The following OPN5 variants were observed in gnomAD, a reference collection of about 807,000 sequenced individuals.
The protein encoded by OPN5 is opsin-5.
In OPN5, 18 loss-of-function variants were observed where a neutral mutation model predicts 41.7. That is an observed-to-expected ratio of 0.43 (90% CI 0.30 to 0.64). OPN5 has a LOEUF of 0.64. OPN5 is among the 30% of genes least tolerant of loss of function. The probability of loss-of-function intolerance (pLI) is 0.13; values close to 1 mark genes in which losing one functional copy is unlikely to be tolerated. For synonymous variants in OPN5, 178 were observed against 164.3 expected (o/e 1.08, Z -0.64); for missense variants, 318 against 434.5 (o/e 0.73, Z 2.38).
At chr6:47,812,186 G>A (rs1762263713) in intron 6 of OPN5, among the ~76,000 whole-genome samples, 1 of 152,152 alleles carries the variant, frequency 6.6e-6, no homozygotes, top group Non-Finnish European at 1.5e-5. Flanking sequence ...GGTTCTCACA[G>A]CCATTTTTCA....
rs540595743 is a variant in OPN5, at chr6:47,795,607, C to A, written c.756+44C>A. ...TACACATGTGTTTTCTGACTACTTA[C>A]AACTTCATAGGGTACAAAGGATAGG... is the stretch of plus-strand genomic sequence containing the variant. On this transcript the variant is annotated intron_variant, in intron 4 of 6. Transcript: ENST00000371211. The A allele has an allele frequency of 3.0e-6, 4 of 1,346,204 alleles. No homozygotes were observed. In the South Asian group the frequency reaches 4.9e-5, roughly 16 times the overall value. The allele number at this position is 1,346,204 out of a possible 1,614,324, so 83.4% of individuals were successfully genotyped here. A position where few individuals can be genotyped will look rare whatever the true frequency, so the allele number is the denominator to read the frequency against.
intron 3 of OPN5, chr6:47,794,615 A>C (rs960170573): frequency 6.6e-6 from 1 of 152,196 alleles, no homozygotes; most frequent in Non-Finnish European, 1.5e-5. Context: ...CAACCTACCT[A>C]GATTCTCTGC....
chr6:47,803,435 C>T (rs1050699289), intron 4 of OPN5, among the ~76,000 whole-genome samples: 4 of 152,148 alleles, frequency 2.6e-5, no homozygotes, highest in African/African-American at 7.2e-5. Flanking sequence ...TCTTGTCACC[C>T]GCATGCTCCT....
At chr6:47,820,318 G>T (rs1188362533) in intron 6 of OPN5, among the ~76,000 whole-genome samples, 1 of 152,120 alleles carries the variant, frequency 6.6e-6, no homozygotes, top group East Asian at 1.9e-4. Flanking sequence ...AATTTATAGA[G>T]CCTGCTCAAA....
chr6:47,782,087 C>A (rs754944929), exon 1 of OPN5: 9 of 1,613,620 alleles, frequency 5.6e-6, no homozygotes, highest in South Asian at 1.1e-5. Context: ...ATCACACTGC[C>A]CTGCCTCAGG....
intron 6 of OPN5, among the ~76,000 whole-genome samples, chr6:47,814,352 C>A (rs1178312390): frequency 6.6e-6 from 1 of 152,044 alleles, no homozygotes; most frequent in Non-Finnish European, 1.5e-5. Flanking sequence ...AAAATAGACT[C>A]ATTTAACTGT....
At chr6:47,823,139 A>G (rs1238756321) in intron 6 of OPN5, among the ~76,000 whole-genome samples, 1 of 152,228 alleles carries the variant, frequency 6.6e-6, no homozygotes, top group Non-Finnish European at 1.5e-5. Flanking sequence ...ATGTGATTGC[A>G]TATTGATGTT....
chr6:47,813,920 G>A (rs956671240), intron 6 of OPN5, among the ~76,000 whole-genome samples: 7 of 152,014 alleles, frequency 4.6e-5, no homozygotes, highest in Admixed American at 6.6e-5. Flanking sequence ...TGGGATGGGG[G>A]AGAGAGTGAA....
At chr6:47,800,084 C>T (rs1773711688) in intron 4 of OPN5, among the ~76,000 whole-genome samples, 1 of 152,156 alleles carries the variant, frequency 6.6e-6, no homozygotes, top group Non-Finnish European at 1.5e-5. Flanking sequence ...AATCTTCACA[C>T]AATGCAGTGA....
intron 4 of OPN5, among the ~76,000 whole-genome samples, chr6:47,806,594 G>A (rs1469780593): frequency 6.6e-6 from 1 of 152,136 alleles, no homozygotes; most frequent in South Asian, 2.1e-4. Context: ...TACTCTACAG[G>A]CTAATCCTCC....
intron 6 of OPN5, among the ~76,000 whole-genome samples, chr6:47,820,050 C>T (rs981295529): frequency 2.0e-5 from 3 of 151,906 alleles, no homozygotes; most frequent in Non-Finnish European, 2.9e-5. Context: ...CTATTCAATG[C>T]CTGTTTTTGT....
At chr6:47,797,768 C>G (rs1446706998) in intron 4 of OPN5, among the ~76,000 whole-genome samples, 2 of 152,198 alleles carry the variant, frequency 1.3e-5, no homozygotes, top group African/African-American at 4.8e-5. Context: ...TGGCCTTGCT[C>G]AATAAATCTG....
chr6:47,790,802 A>G (rs1381061864), intron 2 of OPN5, among the ~76,000 whole-genome samples: 1 of 151,998 alleles, frequency 6.6e-6, no homozygotes, highest in Admixed American at 6.5e-5. Flanking sequence ...CTGCTTCTCT[A>G]ATTAAGGCTT....
chr6:47,791,048 C>T (rs976691953), intron 2 of OPN5, among the ~76,000 whole-genome samples: 6 of 152,136 alleles, frequency 3.9e-5, no homozygotes, highest in Admixed American at 3.3e-4. Context: ...CACTGTTTTG[C>T]ATATTATTTT....
intron 3 of OPN5, chr6:47,794,653 A>C: frequency 6.6e-6 from 1 of 152,328 alleles, no homozygotes; most frequent in East Asian, 1.9e-4. Context: ...TGTGAGCGCG[A>C]TTGTTGTGTG....
chr6:47,824,342 G>A (rs746450749), exon 7 of OPN5: 2 of 334,318 alleles, frequency 6.0e-6, no homozygotes, highest in Non-Finnish European at 1.1e-5. Flanking sequence ...GATTCAAGGA[G>A]ATCAGGCTGT....
chr6:47,816,294 A>G (rs1317965722), intron 6 of OPN5, among the ~76,000 whole-genome samples: 1 of 152,152 alleles, frequency 6.6e-6, no homozygotes, highest in Admixed American at 6.6e-5. Context: ...TAATTGTAAT[A>G]GTTTTTAGAT....
chr6:47,806,576 C>T (rs12214223), intron 4 of OPN5, among the ~76,000 whole-genome samples: 79 of 152,164 alleles, frequency 5.2e-4, no homozygotes, highest in Non-Finnish European at 8.7e-4. Flanking sequence ...TTTTTTTCTA[C>T]GCCATTTTAC....
chr6:47,795,310 T>G, exon 4 of OPN5: 1 of 1,614,068 alleles, frequency 6.2e-7, no homozygotes, highest in Non-Finnish European at 8.5e-7. Flanking sequence ...ACCATGCCCT[T>G]GGTAGGTCTG....
Sources: gnomAD v4.1 joint callset for allele counts (sites outside exome capture counted in the v4.1 genomes callset) on GRCh38, gnomAD v4.1.1 for gene constraint, MANE v1.5 for transcripts, NCBI Gene and HGNC (gene_info 2026-07-23, HGNC 2026-07-21) for gene names.